ATL2: variants seen among roughly 807,000 people sequenced by gnomAD.
The protein encoded by ATL2 is atlastin-2.
In ATL2, 31 loss-of-function variants were observed where a neutral mutation model predicts 73.9. The observed-to-expected ratio is 0.42, with a 90% CI of 0.32 to 0.57. The LOEUF is 0.57. ATL2 is among the 20% of genes least tolerant of loss of function. The probability of loss-of-function intolerance (pLI) is 0.14; values close to 1 mark genes in which losing one functional copy is unlikely to be tolerated. For synonymous variants in ATL2, 291 were observed against 237.5 expected, an observed-to-expected ratio of 1.23 and a Z score of -2.07; for missense variants, 738 against 702.6, an observed-to-expected ratio of 1.05 and a Z score of -0.57.
chr2:38,332,900 A>T (rs1477076402), intron 2 of ATL2, among the ~76,000 whole-genome samples: 1 of 152,198 alleles, frequency 6.6e-6, no homozygotes, highest in Non-Finnish European at 1.5e-5. Context: ...AGAACAAAGA[A>T]ATTCTGAAGC....
chr2:38,295,840 A>T lies in ATL2; in HGVS notation c.*154T>A, dbSNP rs1158037282. 8 of 616,176 alleles carry T rather than the reference A, an allele frequency of 1.3e-5. No individual in the cohort carries two copies. Among genetic ancestry groups the T allele is most frequent in the Middle Eastern group, 2.8e-4 (1 of 3,558 alleles). 38.2% of individuals were successfully genotyped at this position (616,176 alleles called of 1,614,324 possible). ...TTAAAAGAATGCTTAAAACTAACAA[A>T]CAATCTTCACACTCTGTGGCAGCCA... On this transcript the variant is annotated 3_prime_UTR_variant, in exon 13 of 13. Coordinates refer to ENST00000378954, the MANE Select transcript of ATL2 (RefSeq NM_001135673.4).
chr2:38,325,705 C>G (rs1467626856), intron 2 of ATL2, among the ~76,000 whole-genome samples: 6 of 74,608 alleles, frequency 8.0e-5, no homozygotes, highest in Non-Finnish European at 1.4e-4. Context: ...CCAGTACACA[C>G]ACACACACAC....
At chr2:38,377,480 C>T (rs945594686), upstream of ATL2, among the ~76,000 whole-genome samples, 1 of 151,412 alleles carries the variant, frequency 6.6e-6, no homozygotes, top group Non-Finnish European at 1.5e-5. Context: ...TCGCCCTGCC[C>T]GCCTGCAGAT....
chr2:38,377,219 G>A lies in ATL2; in HGVS notation c.42C>T (p.His14=), dbSNP rs774275885. The A allele has an allele frequency of 1.6e-5, 25 of 1,607,384 alleles. No individual in the cohort carries two copies. In the East Asian group the frequency reaches 4.5e-4, roughly 29 times the overall value. ...TCCGTCGCCGGCGCCACAGCCCCTG[G>A]TGCGGTTGCTGCCCTCGCGCTGCCT... ...GDEAARGQQP[H]QGLWRRRRTS... Residue 14 remains histidine, a synonymous_variant, in exon 1 of 13, where the codon CAC becomes CAT. Coordinates refer to ENST00000378954, the MANE Select transcript of ATL2 (RefSeq NM_001135673.4).
intron 12 of ATL2, among the ~76,000 whole-genome samples, chr2:38,297,446 G>T (rs1424582114): frequency 6.6e-6 from 1 of 152,252 alleles, no homozygotes; most frequent in African/African-American, 2.4e-5. Context: ...GCGGTCCACA[G>T]GTAATTCCAG....
At chr2:38,351,837 T>G (rs1048015783) in intron 1 of ATL2, among the ~76,000 whole-genome samples, 5 of 149,784 alleles carry the variant, frequency 3.3e-5, no homozygotes. Context: ...ATTGGCCGGG[T>G]GCAGTGGCTC....
intron 1 of ATL2, chr2:38,376,215 G>C (rs754581094): frequency 6.7e-7 from 1 of 1,499,080 alleles, no homozygotes; most frequent in East Asian, 2.5e-5. Flanking sequence ...CGATCAATTC[G>C]CACCACAGTG....
intron 2 of ATL2, among the ~76,000 whole-genome samples, chr2:38,322,124 G>A (rs1052228745): frequency 1.3e-5 from 2 of 151,708 alleles, no homozygotes; most frequent in African/African-American, 4.8e-5. Flanking sequence ...TCACCAAACT[G>A]CTCCTATCAA....
intron 2 of ATL2, among the ~76,000 whole-genome samples, chr2:38,339,929 G>A (rs997932910): frequency 6.6e-6 from 1 of 152,114 alleles, no homozygotes; most frequent in African/African-American, 2.4e-5. Flanking sequence ...GACCTCAGGT[G>A]ATCTACCCAC....
rs891515983 is a variant in ATL2, at chr2:38,318,297, G to A, written c.603+238C>T. The A allele has an allele frequency of 1.5e-4, 48 of 317,392 alleles. 1 individual carries two copies. Among genetic ancestry groups the A allele is most frequent in the African/African-American group, 9.3e-4 (43 of 46,470 alleles). The allele number at this position is 317,392 out of a possible 1,614,324, so 19.7% of individuals were successfully genotyped here. A position where few individuals can be genotyped will look rare whatever the true frequency, so the allele number is the denominator to read the frequency against. ...GTTCGAGACCAGCCTGCCCAACGTGGTGAAACCCGTCTCTACTAAAAATAC... is the reference window on the plus strand; with the variant it reads ...GTTCGAGACCAGCCTGCCCAACGTGATGAAACCCGTCTCTACTAAAAATAC... On this transcript the variant is annotated intron_variant, in intron 4 of 12. Transcript: ENST00000378954.
chr2:38,376,937 G>A (rs1010560007), intron 1 of ATL2, among the ~76,000 whole-genome samples: 1 of 150,940 alleles, frequency 6.6e-6, no homozygotes, highest in Non-Finnish European at 1.5e-5. Context: ...CTGGAGCCGC[G>A]GCCCACGAGC....
At chr2:38,376,341 T>C in intron 1 of ATL2, 1 of 999,584 alleles carries the variant, frequency 1.0e-6, no homozygotes, top group Non-Finnish European at 1.4e-6. Context: ...ACACGTACAG[T>C]AGGAGCTCAC....
intron 1 of ATL2, among the ~76,000 whole-genome samples, chr2:38,367,018 T>C (rs1433698229): frequency 6.6e-6 from 1 of 152,088 alleles, no homozygotes; most frequent in African/African-American, 2.4e-5. Context: ...TATTATTTTT[T>C]TTAGCAACAG....
At chr2:38,318,510 C>T (rs777089514) in intron 4 of ATL2, 25 bp downstream of exon 4, 17 of 1,510,052 alleles carry the variant, frequency 1.1e-5, no homozygotes, top group African/African-American at 4.2e-5. Context: ...GTGAACTGAT[C>T]GCACCACTTA....
Position 38,295,887 on chromosome 2 carries a change from A to C in ATL2, c.*107T>G. On this transcript the variant is annotated 3_prime_UTR_variant, in exon 13 of 13. Coordinates refer to ENST00000378954, the MANE Select transcript of ATL2 (RefSeq NM_001135673.4). ...GCCATCTGTGAAGCCAGTTACACTAAACTACTTCTACAGTTGATTGTAAAC... is the reference window on the plus strand; with the variant it reads ...GCCATCTGTGAAGCCAGTTACACTACACTACTTCTACAGTTGATTGTAAAC... The C allele has an allele frequency of 1.0e-6, 1 of 966,330 alleles. No homozygotes were observed. The highest frequency in any genetic ancestry group is 1.5e-6 in the Non-Finnish European group (1 of 664,236). The allele number at this position is 966,330 out of a possible 1,614,324, so 59.9% of individuals were successfully genotyped here.
rs959991605 is a variant in ATL2 at position 38,334,842 on chromosome 2, ATT to A, written c.363+8424_363+8425del. Among the ~76,000 whole-genome samples, 18 of 138,602 alleles carry A rather than the reference ATT, an allele frequency of 1.3e-4. No individual in the cohort carries two copies. In the East Asian group the frequency reaches 2.4e-3, roughly 19 times the overall value. The allele number at this position is 138,602 out of a possible 152,430, so 90.9% of individuals were successfully genotyped here. ...AATAATATTCAACATTATAGTTATA[ATT>A]TATATTCAATATTTATATATTATAT... On this transcript the variant is annotated intron_variant, in intron 2 of 12. Coordinates refer to ENST00000378954, the MANE Select transcript of ATL2 (RefSeq NM_001135673.4).
chr2:38,301,658 A>T (rs973273971), intron 9 of ATL2, among the ~76,000 whole-genome samples: 1 of 152,208 alleles, frequency 6.6e-6, no homozygotes, highest in Non-Finnish European at 1.5e-5. Flanking sequence ...GCCAGCACCC[A>T]TGGAGGAAGA....
intron 2 of ATL2, among the ~76,000 whole-genome samples, chr2:38,337,451 A>C (rs1669428076): frequency 7.9e-6 from 1 of 126,028 alleles, no homozygotes; most frequent in Non-Finnish European, 1.6e-5. Flanking sequence ...ACATCACTGC[A>C]CTCCAACCTT....
chr2:38,333,874 T>C (rs924783121), intron 2 of ATL2, among the ~76,000 whole-genome samples: 3 of 152,170 alleles, frequency 2.0e-5, no homozygotes, highest in Non-Finnish European at 4.4e-5. Context: ...TTGGTAACAT[T>C]TGATGAAGCT....
Sources: allele counts gnomAD v4.1 joint callset (sites outside exome capture counted in the v4.1 genomes callset), GRCh38; gene constraint gnomAD v4.1.1; transcripts MANE v1.5; gene names NCBI Gene and HGNC (gene_info 2026-07-23, HGNC 2026-07-21).